The following DEUP1 variants were observed in gnomAD, a reference collection of about 807,000 sequenced individuals.
DEUP1 encodes coiled-coil domain containing 67.
A neutral mutation model predicts 87.4 loss-of-function variants in DEUP1; 82 were observed. The observed-to-expected ratio is 0.94, with a 90% CI of 0.78 to 1.13. The LOEUF is 1.13. Ranked by LOEUF, DEUP1 falls within the 50% of genes most tolerant of loss-of-function variation. The pLI is 0.00. For missense variants in DEUP1, 663 were observed against 681.5 expected (o/e 0.97, Z 0.30); for synonymous variants, 214 against 222.7 (o/e 0.96, Z 0.35).
At chr11:93,392,947 TCCCTCCTCTTCCTCCTCCTCTTCC>T (rs1946810820) in intron 9 of DEUP1, among the ~76,000 whole-genome samples, 1 of 148,754 alleles carries the variant, frequency 6.7e-6, no homozygotes, top group Non-Finnish European at 1.5e-5. Flanking sequence ...CTCCTCCTCC[TCCCTCCTCTTCCTCCTCCTCTTCC>T]TCCTCCTCCG....
At chr11:93,381,094 T>C (rs1946283997) in intron 7 of DEUP1, among the ~76,000 whole-genome samples, 1 of 152,218 alleles carries the variant, frequency 6.6e-6, no homozygotes, top group Admixed American at 6.5e-5. Context: ...TCTGTTTCAC[T>C]TCCAAATTTT....
intron 13 of DEUP1, among the ~76,000 whole-genome samples, chr11:93,416,129 G>C (rs1405771312): frequency 6.6e-6 from 1 of 151,844 alleles, no homozygotes; most frequent in African/African-American, 2.4e-5. Context: ...AGTTGTCCTT[G>C]CTCAGAGCAA....
intron 8 of DEUP1, among the ~76,000 whole-genome samples, chr11:93,388,815 C>T (rs1056875976): frequency 8.5e-5 from 13 of 152,066 alleles, no homozygotes; most frequent in Non-Finnish European, 1.5e-5. Flanking sequence ...TGCTTCCTTT[C>T]TTCCATTGAA....
At chr11:93,431,530 A>G (rs946372400) in intron 13 of DEUP1, among the ~76,000 whole-genome samples, 3 of 152,208 alleles carry the variant, frequency 2.0e-5, no homozygotes, top group South Asian at 2.1e-4. Flanking sequence ...TCAGTTAGGA[A>G]AATACTGGTC....
In DEUP1 at chr11:93,408,302, G is replaced by T. The variant is rs375704117; in HGVS notation, c.1398G>T (p.Arg466Ser). ...ATAAACTGCAATATGAGAATGAAAGGCTCCGAAATGATCTTGCAAAACTTC... is the reference window on the plus strand; with the variant it reads ...ATAAACTGCAATATGAGAATGAAAGTCTCCGAAATGATCTTGCAAAACTTC... ...SINKLQYENE[R>S]LRNDLAKLHV... Residue 466 changes from arginine to serine, a missense_variant, in exon 12 of 14, where the codon AGG becomes AGT. Physicochemically the swap from Arg to Ser is moderately radical, Grantham distance 110. Coordinates refer to ENST00000298050, the MANE Select transcript of DEUP1 (RefSeq NM_181645.4). The T allele has an allele frequency of 2.7e-5, 42 of 1,581,038 alleles. No homozygotes were observed. Among genetic ancestry groups the T allele is most frequent in the East Asian group, 1.8e-4 (8 of 43,722 alleles).
chr11:93,408,071 T>C (rs2134416543), intron 11 of DEUP1, among the ~76,000 whole-genome samples, 160 bp from the exon 12 acceptor site: 1 of 151,650 alleles, frequency 6.6e-6, no homozygotes, highest in Middle Eastern at 3.4e-3. Flanking sequence ...TGTGAGGAGG[T>C]GAGGGGGTGG....
intron 11 of DEUP1, among the ~76,000 whole-genome samples, chr11:93,404,743 A>C (rs1947217866): frequency 6.6e-6 from 1 of 152,104 alleles, no homozygotes; most frequent in Admixed American, 6.6e-5. Flanking sequence ...AAAACTATCA[A>C]ACTCTAAAAT....
At chr11:93,381,190 C>T (rs908447531) in intron 7 of DEUP1, among the ~76,000 whole-genome samples, 1 of 152,170 alleles carries the variant, frequency 6.6e-6, no homozygotes, top group Admixed American at 6.5e-5. Context: ...TTTAGAATCA[C>T]TGCTCCTCTC....
At chr11:93,406,581 A>G (rs1947284528) in intron 11 of DEUP1, among the ~76,000 whole-genome samples, 1 of 151,944 alleles carries the variant, frequency 6.6e-6, no homozygotes, top group African/African-American at 2.4e-5. Flanking sequence ...AAAGCAAGGA[A>G]GAAGTCACAA....
At chr11:93,391,216 T>A (rs1222742145) in intron 9 of DEUP1, among the ~76,000 whole-genome samples, 1 of 152,192 alleles carries the variant, frequency 6.6e-6, no homozygotes, top group Non-Finnish European at 1.5e-5. Context: ...TCTAGAACTG[T>A]TTTAGCCATT....
Position 93,415,253 on chromosome 11 carries a change from C to T in DEUP1, c.1638+139C>T, listed in dbSNP as rs183532880. ...TGAATAGGACTCCAAGATGGGTCTG[C>T]GAGCCATTTGGCCATACCTATCTAC... On this transcript the variant is annotated intron_variant, in intron 13 of 13. Transcript: ENST00000298050. 5.2e-4 allele frequency: 257 copies of T among 489,618 alleles called. 2 individuals carry two copies. The highest frequency in any genetic ancestry group is 1.6e-3 in the South Asian group (42 of 26,400). 30.3% of individuals were successfully genotyped at this position (489,618 alleles called of 1,614,324 possible).
chr11:93,345,581 G>A (rs1044827766), intron 2 of DEUP1, among the ~76,000 whole-genome samples: 2 of 152,128 alleles, frequency 1.3e-5, no homozygotes, highest in African/African-American at 4.8e-5. Context: ...ATCTCATTAT[G>A]GTGTTAACTG....
intron 2 of DEUP1, among the ~76,000 whole-genome samples, chr11:93,354,764 C>A (rs1944801729): frequency 1.3e-5 from 2 of 152,154 alleles, no homozygotes; most frequent in African/African-American, 4.8e-5. Context: ...CCCCATGATC[C>A]AGTTACCTCC....
At position 93,385,545 on chromosome 11, in the gene DEUP1, T is replaced by C. The variant is rs746450049; in HGVS notation, c.935+2T>C. ...AAATGCTCAAGGAAATAAAACAAGG[T>C]ATAATCTTTATATTTGACAATCTGA... On this transcript the variant is annotated splice_donor_variant, in intron 8 of 13. Transcript: ENST00000298050. LOFTEE classifies it high-confidence loss of function. 1 of 1,586,186 alleles carries C rather than the reference T, an allele frequency of 6.3e-7. No homozygotes were observed. The highest frequency in any genetic ancestry group is 8.5e-7 in the Non-Finnish European group (1 of 1,170,678).
chr11:93,385,481 G>T lies in DEUP1; in HGVS notation c.873G>T (p.Leu291Phe). 1 of 1,611,570 alleles carries T rather than the reference G, an allele frequency of 6.2e-7. No individual in the cohort carries two copies. The change falls in exon 8 of 14, where the codon TTG becomes TTT. Residue 291 changes from leucine (L) to phenylalanine (F), a missense_variant. Transcript: ENST00000298050. ...DLLRIIEMER[L>F]QLHRELLKIG... is the part of the protein sequence containing the mutation. ...TGAGAATTATAGAAATGGAACGATT[G>T]CAATTACACAGAGAATTATTAAAAA...
chr11:93,373,615 A>AGATATATGTGTGTG (rs1945859890), intron 7 of DEUP1, among the ~76,000 whole-genome samples: 1 of 32,220 alleles, frequency 3.1e-5, no homozygotes. Flanking sequence ...TTATATATGT[A>AGATATATGTGTGTG]TATATATACG....
At chr11:93,418,381 A>G (rs1356910248) in intron 13 of DEUP1, among the ~76,000 whole-genome samples, 1 of 152,148 alleles carries the variant, frequency 6.6e-6, no homozygotes, top group Non-Finnish European at 1.5e-5. Context: ...GGACATGAAC[A>G]GACACTTCTC....
chr11:93,354,142 C>T (rs1944769324), intron 2 of DEUP1, among the ~76,000 whole-genome samples: 1 of 152,178 alleles, frequency 6.6e-6, no homozygotes, highest in Non-Finnish European at 1.5e-5. Context: ...TTAGAAATTT[C>T]TTCTGCCAGA....
At chr11:93,437,197 G>A (rs1948271848) in intron 13 of DEUP1, among the ~76,000 whole-genome samples, 1 of 152,118 alleles carries the variant, frequency 6.6e-6, no homozygotes, top group Non-Finnish European at 1.5e-5. Flanking sequence ...TTAGCTTTTT[G>A]GAGTTGCCTA....
Sources: gnomAD v4.1 joint callset for allele counts (sites outside exome capture counted in the v4.1 genomes callset) on GRCh38, gnomAD v4.1.1 for gene constraint, MANE v1.5 for transcripts, NCBI Gene and HGNC (gene_info 2026-07-23, HGNC 2026-07-21) for gene names.